Variants in COMMD3 observed in about 807,000 individuals in gnomAD.
COMMD3 encodes the protein COMM domain-containing protein 3.
A neutral mutation model predicts 31.2 loss-of-function variants in COMMD3; 31 were observed. The observed-to-expected ratio is 0.99, with a 90% CI of 0.75 to 1.34. The LOEUF (loss-of-function observed/expected upper bound fraction) is 1.34. Among genes scored for constraint, COMMD3 ranks in the 40% most tolerant of loss-of-function variants. The pLI is 0.00. For missense variants in COMMD3, 274 were observed against 236.9 expected (o/e 1.16, Z -1.03); for synonymous variants, 108 against 87.3 (o/e 1.24, Z -1.32).
chr10:22,317,626 T>C (rs1411490832), intron 1 of COMMD3: 2 of 291,140 alleles, frequency 6.9e-6, no homozygotes, highest in Non-Finnish European at 1.3e-5. Flanking sequence ...TTGGGGGCTA[T>C]AATATTTTTT....
At chr10:22,319,142 A>C in intron 7 of COMMD3, 124 bp downstream of exon 7, 1 of 1,152,950 alleles carries the variant, frequency 8.7e-7, no homozygotes, top group Non-Finnish European at 1.2e-6. Context: ...AAGATTGGTT[A>C]AGGATTTAAT....
intron 7 of COMMD3, chr10:22,319,365 T>G: frequency 4.9e-6 from 1 of 202,944 alleles, no homozygotes; most frequent in East Asian, 1.2e-4. Flanking sequence ...CTTTCAGAAA[T>G]TGAATTAAAC....
rs1835890350 is a variant in COMMD3 at position 22,318,176 on chromosome 10, ACTTT to A, written c.315+9_315+12del. On this transcript the variant is annotated intron_variant, in intron 3 of 7. Coordinates refer to ENST00000376836, the MANE Select transcript of COMMD3 (RefSeq NM_012071.4). ...TTTTGCACGGAATATCAGGTTACTT[ACTTT>A]AAAATTTTTAATTAACAGTACTATT... 6.2e-7 allele frequency: 1 copy of A among 1,605,654 alleles called. No individual in the cohort carries two copies. Among genetic ancestry groups the A allele is most frequent in the Admixed American group, 1.7e-5 (1 of 58,080 alleles).
At chr10:22,319,124 A>G in intron 7 of COMMD3, 106 bp downstream of exon 7, 1 of 1,254,420 alleles carries the variant, frequency 8.0e-7, no homozygotes, top group Non-Finnish European at 1.1e-6. Flanking sequence ...ATTTGTCAGC[A>G]GATAATGAAG....
intron 4 of COMMD3, 45 bp downstream of exon 4, chr10:22,318,351 A>G: frequency 6.3e-7 from 1 of 1,574,914 alleles, no homozygotes; most frequent in Non-Finnish European, 8.6e-7. Context: ...TTTCACTTGC[A>G]GGTATGAATG....
At chr10:22,319,145 G>T (rs536494700) in intron 7 of COMMD3, 127 bp downstream of exon 7, 2 of 1,061,984 alleles carry the variant, frequency 1.9e-6, no homozygotes, top group East Asian at 2.6e-5. Context: ...ATTGGTTAAG[G>T]ATTTAATGGG....
Position 22,320,106 on chromosome 10 carries a change from AT to A in COMMD3, c.*112del. 1 of 1,597,528 alleles carries A rather than the reference AT, an allele frequency of 6.3e-7. No individual in the cohort carries two copies. Among genetic ancestry groups the A allele is most frequent in the South Asian group, 1.1e-5 (1 of 89,082 alleles). On this transcript the variant is annotated 3_prime_UTR_variant, in exon 8 of 8. Transcript: ENST00000376836. ...TGGATGTCCTTTTCAGTAGAAAAGA[AT>A]TTTCCTTTTGAATTTATACCATTCA...
intron 1 of COMMD3, 195 bp from the exon 2 acceptor site, chr10:22,317,689 G>C: frequency 2.0e-6 from 1 of 511,322 alleles, no homozygotes; most frequent in Non-Finnish European, 3.5e-6. Context: ...TAATAGTAGA[G>C]TTCTTGTTGT....
At chr10:22,317,836 GT>G (rs1437894172) in intron 1 of COMMD3, 47 bp from the exon 2 acceptor site, 2 of 1,594,340 alleles carry the variant, frequency 1.3e-6, no homozygotes, top group Non-Finnish European at 1.7e-6. Context: ...GAACATGACT[GT>G]AAAGAATTTA....
intron 1 of COMMD3, 155 bp downstream of exon 1, chr10:22,316,711 G>A (rs1835857387): frequency 1.5e-6 from 2 of 1,292,596 alleles, no homozygotes; most frequent in South Asian, 1.8e-5. Flanking sequence ...ACGTGGCTCT[G>A]CCAGGACTCG....
intron 7 of COMMD3, 123 bp from the exon 8 acceptor site, chr10:22,319,816 T>G: frequency 8.2e-7 from 1 of 1,218,736 alleles, no homozygotes; most frequent in Non-Finnish European, 1.1e-6. Context: ...AGTTAAAATC[T>G]TGTTGAATTT....
chr10:22,319,745 C>T, intron 7 of COMMD3, 194 bp from the exon 8 acceptor site: 1 of 601,844 alleles, frequency 1.7e-6, no homozygotes, highest in Non-Finnish European at 2.8e-6. Flanking sequence ...GGCAAATAAC[C>T]GATTTGAACA....
chr10:22,316,415 A>T lies in COMMD3; in HGVS notation c.-3A>T. 6.6e-7 allele frequency: 1 copy of T among 1,509,184 alleles called. No homozygotes were observed. Among genetic ancestry groups the T allele is most frequent in the Non-Finnish European group, 8.9e-7 (1 of 1,122,818 alleles). 93.5% of individuals were successfully genotyped at this position (1,509,184 alleles called of 1,614,324 possible). On this transcript the variant is annotated 5_prime_UTR_variant, in exon 1 of 8. Coordinates refer to ENST00000376836, the MANE Select transcript of COMMD3 (RefSeq NM_012071.4). ...GCGTGTCGAAGGTCACGGCGCGCTC[A>T]CAATGGAGCTCTCGGAGTCTGTGCA...
chr10:22,318,450 T>G (rs1835896795), intron 4 of COMMD3, 144 bp downstream of exon 4: 2 of 1,257,038 alleles, frequency 1.6e-6, no homozygotes, highest in Non-Finnish European at 2.2e-6. Context: ...GTTAAGCTCA[T>G]GTTTTTAAAG....
rs1369799927 is a variant in COMMD3, at chr10:22,319,950, G to A, written c.540G>A (p.Gly180=). Residue 180 remains glycine, a synonymous_variant, in exon 8 of 8, where the codon GGG becomes GGA. Transcript: ENST00000376836. ...TACACGTCTTTTAGGACTTGGTGGGGAAACTTAAAGATGCTTCGAAAAGCC... is the reference window on the plus strand; with the variant it reads ...TACACGTCTTTTAGGACTTGGTGGGAAAACTTAAAGATGCTTCGAAAAGCC... ...CSMEQLQDLV[G]KLKDASKSLE... 1 of 1,614,048 alleles carries A rather than the reference G, an allele frequency of 6.2e-7. No homozygotes were observed. The highest frequency in any genetic ancestry group is 1.7e-5 in the Admixed American group (1 of 60,020).
chr10:22,318,037 C>G (rs747041337), intron 2 of COMMD3, 42 bp downstream of exon 2: 3 of 1,608,416 alleles, frequency 1.9e-6, no homozygotes, highest in African/African-American at 1.3e-5. Context: ...TCAAATACTA[C>G]CTTAATGATT....
At chr10:22,319,271 T>A (rs558696943) in intron 7 of COMMD3, 630 of 363,760 alleles carry the variant, frequency 1.7e-3, no homozygotes, top group African/African-American at 0.012. Context: ...TTCTGTAGTG[T>A]TTAGTGTAAA....
At chr10:22,318,886 A>C in intron 6 of COMMD3, 24 bp downstream of exon 6, 1 of 1,612,360 alleles carries the variant, frequency 6.2e-7, no homozygotes, top group South Asian at 1.1e-5. Context: ...AGTCTTATCC[A>C]ATAATGAAAT....
In COMMD3 at chr10:22,320,226, C is replaced by T; in HGVS notation, c.*228C>T. The stretch of plus-strand genomic sequence containing the variant: ...GTTTAGTAGTAACTGTCCATTTATC[C>T]TATTTTGATCTTTTTCAAGTCTTCT... On this transcript the variant is annotated 3_prime_UTR_variant, in exon 8 of 8. Coordinates refer to ENST00000376836, the MANE Select transcript of COMMD3 (RefSeq NM_012071.4). 1 of 1,198,582 alleles carries T rather than the reference C, an allele frequency of 8.3e-7. No individual in the cohort carries two copies. The highest frequency in any genetic ancestry group is 1.6e-5 in the South Asian group (1 of 62,290). 74.2% of individuals were successfully genotyped at this position (1,198,582 alleles called of 1,614,324 possible). A position where few individuals can be genotyped will look rare whatever the true frequency, so the allele number is the denominator to read the frequency against.
Sources: allele counts gnomAD v4.1 joint callset, GRCh38; gene constraint gnomAD v4.1.1; transcripts MANE v1.5; gene names NCBI Gene and HGNC (gene_info 2026-07-23, HGNC 2026-07-21).